The following KANSL1L variants were observed in gnomAD, a reference collection of about 807,000 sequenced individuals.
KANSL1L encodes the protein KAT8 regulatory NSL complex subunit 1 like, also known as KAT8 regulatory NSL complex subunit 1-like protein.
KANSL1L carries 25 observed loss-of-function variants against 108.6 expected under a neutral mutation model. That is an observed-to-expected ratio of 0.23 (90% confidence interval 0.17 to 0.32). The LOEUF is 0.32. Among genes scored for constraint, KANSL1L ranks in the 10% least tolerant of loss-of-function variants. The pLI is 1.00. For synonymous variants in KANSL1L, 405 were observed against 395.1 expected (o/e 1.03, Z -0.30); for missense variants, 1,137 against 1,125.7 (o/e 1.01, Z -0.14).
chr2:210,026,923 A>G (rs2093946141), intron 12 of KANSL1L, among the ~76,000 whole-genome samples: 1 of 151,954 alleles, frequency 6.6e-6, no homozygotes, highest in Non-Finnish European at 1.5e-5. Context: ...GGTGCCCACC[A>G]CCACGCCCGA....
chr2:210,111,796 A>C (rs2094908183), intron 3 of KANSL1L, among the ~76,000 whole-genome samples: 1 of 151,986 alleles, frequency 6.6e-6, no homozygotes, highest in Non-Finnish European at 1.5e-5. Context: ...GGTTTGTTAC[A>C]TATGTATACA....
chr2:210,050,760 G>C (rs1037038280), intron 6 of KANSL1L, among the ~76,000 whole-genome samples: 1 of 151,992 alleles, frequency 6.6e-6, no homozygotes, highest in Non-Finnish European at 1.5e-5. Flanking sequence ...AGGTACTTGG[G>C]AGGCAGAGGT....
intron 5 of KANSL1L, among the ~76,000 whole-genome samples, chr2:210,077,909 C>T (rs754208686): frequency 6.6e-6 from 1 of 152,196 alleles, no homozygotes; most frequent in Non-Finnish European, 1.5e-5. Flanking sequence ...AATTGGAAAG[C>T]TTATCTTTGT....
chr2:210,104,004 A>G, intron 4 of KANSL1L, 100 bp downstream of exon 4: 1 of 902,996 alleles, frequency 1.1e-6, no homozygotes, highest in Non-Finnish European at 1.8e-6. Flanking sequence ...TTAATAACAC[A>G]TATGCCAGGA....
Position 210,132,290 on chromosome 2 carries a change from T to G in KANSL1L, c.1089-3118A>C, listed in dbSNP as rs557084939. 7.2e-5 allele frequency among the ~76,000 whole-genome samples: 11 copies of G among 152,270 alleles called. No individual in the cohort carries two copies. The South Asian group carries it at 2.3e-3, about 32-fold the overall frequency. ...GTGTAACCAAATAGCATATAACTAA[T>G]GCACCAGCATACTCAGAGTGTCCCA... On this transcript the variant is annotated intron_variant, in intron 2 of 14. Transcript: ENST00000281772.
At chr2:210,086,831 T>C (rs1415700535) in intron 5 of KANSL1L, among the ~76,000 whole-genome samples, 1 of 151,956 alleles carries the variant, frequency 6.6e-6, no homozygotes, top group African/African-American at 2.4e-5. Context: ...AGAATTATGA[T>C]ATAATGTGAT....
chr2:210,046,081 G>A (rs555964217), intron 6 of KANSL1L, among the ~76,000 whole-genome samples: 1 of 152,258 alleles, frequency 6.6e-6, no homozygotes, highest in South Asian at 2.1e-4. Flanking sequence ...AACCTCAAAT[G>A]ATGGAAGGAA....
chr2:210,110,026 G>T (rs1051277213), intron 3 of KANSL1L, among the ~76,000 whole-genome samples: 4 of 152,120 alleles, frequency 2.6e-5, no homozygotes, highest in Non-Finnish European at 4.4e-5. Flanking sequence ...AACTCACTCA[G>T]AAACTCAGAA....
chr2:210,113,321 C>A (rs564990235), intron 3 of KANSL1L, among the ~76,000 whole-genome samples: 3 of 152,216 alleles, frequency 2.0e-5, no homozygotes, highest in Non-Finnish European at 2.9e-5. Context: ...AGCAACTGGG[C>A]ATTTCCAAGA....
At chr2:210,095,169 T>C (rs1026097287) in intron 5 of KANSL1L, among the ~76,000 whole-genome samples, 2 of 152,148 alleles carry the variant, frequency 1.3e-5, no homozygotes, top group African/African-American at 4.8e-5. Context: ...AGGTGTTTTC[T>C]ACATTTCTCA....
At chr2:210,156,195 G>A (rs902396300) in intron 1 of KANSL1L, among the ~76,000 whole-genome samples, 1 of 151,892 alleles carries the variant, frequency 6.6e-6, no homozygotes, top group Non-Finnish European at 1.5e-5. Context: ...AGTAATGAGA[G>A]GAATATAGAT....
At chr2:210,118,817 T>C (rs1053635086) in intron 3 of KANSL1L, among the ~76,000 whole-genome samples, 14 of 150,696 alleles carry the variant, frequency 9.3e-5, no homozygotes, top group Admixed American at 2.6e-4. Flanking sequence ...CCACTCCAGG[T>C]TGGGCAACAG....
intron 8 of KANSL1L, among the ~76,000 whole-genome samples, chr2:210,038,893 A>C (rs566220991): frequency 1.3e-5 from 2 of 152,080 alleles, no homozygotes; most frequent in Non-Finnish European, 2.9e-5. Flanking sequence ...GACTTAAATA[A>C]TTAAGTAATA....
chr2:210,109,256 TC>T (rs944865446), intron 3 of KANSL1L, among the ~76,000 whole-genome samples: 3 of 152,178 alleles, frequency 2.0e-5, no homozygotes. Context: ...AGGTTTTATC[TC>T]CCTTACCAGA....
At chr2:210,131,492 G>A (rs1186042442) in intron 2 of KANSL1L, among the ~76,000 whole-genome samples, 1 of 151,902 alleles carries the variant, frequency 6.6e-6, no homozygotes, top group African/African-American at 2.4e-5. Flanking sequence ...TTGATGATTA[G>A]TGAATAATGA....
intron 5 of KANSL1L, among the ~76,000 whole-genome samples, chr2:210,092,580 C>G (rs2094701464): frequency 6.6e-6 from 1 of 152,184 alleles, no homozygotes; most frequent in Admixed American, 6.5e-5. Context: ...TATAATCAGG[C>G]TACCATTTTA....
In KANSL1L at chr2:210,022,041, T is replaced by C. The variant is rs1374186504; in HGVS notation, c.*908A>G. 6.6e-6 allele frequency: 1 copy of C among 151,444 alleles called. No individual in the cohort carries two copies. Among genetic ancestry groups the C allele is most frequent in the Non-Finnish European group, 1.5e-5 (1 of 67,866 alleles). The allele number at this position is 151,444 out of a possible 1,614,324, so 9.4% of individuals were successfully genotyped here. ...TTCAAATTTTATACTGATAGGGCTT[T>C]ACTGTTTGTGGCTCATTTTAAAACT... On this transcript the variant is annotated 3_prime_UTR_variant, in exon 15 of 15. Transcript: ENST00000281772.
intron 3 of KANSL1L, among the ~76,000 whole-genome samples, chr2:210,117,761 G>A (rs1167352746): frequency 2.0e-5 from 3 of 152,002 alleles, no homozygotes; most frequent in African/African-American, 7.2e-5. Context: ...AAATACAAAG[G>A]ATTATAAGAG....
chr2:210,110,040 T>TTCC (rs1360956839), intron 3 of KANSL1L, among the ~76,000 whole-genome samples: 3 of 152,146 alleles, frequency 2.0e-5, no homozygotes, highest in Admixed American at 6.5e-5. Flanking sequence ...CTCAGAAGGC[T>TTCC]TCCCATCTCT....
Sources: allele counts gnomAD v4.1 joint callset (sites outside exome capture counted in the v4.1 genomes callset), GRCh38; gene constraint gnomAD v4.1.1; transcripts MANE v1.5; gene names NCBI Gene and HGNC (gene_info 2026-07-23, HGNC 2026-07-21).